Variants in PGAP2 observed in about 807,000 individuals in gnomAD.
PGAP2 encodes acyltransferase PGAP2.
A neutral mutation model predicts 33.2 loss-of-function variants in PGAP2; 21 were observed. The ratio of observed to expected loss-of-function variants is 0.63; its 90% CI spans 0.45 to 0.91. The LOEUF (loss-of-function observed/expected upper bound fraction) is 0.91, where lower values mean the gene tolerates loss of function less well. Among genes scored for constraint, PGAP2 ranks in the 40% least tolerant of loss-of-function variants. The pLI is 0.00. For missense variants in PGAP2, 345 were observed against 424.0 expected (o/e 0.81, Z 1.64); for synonymous variants, 161 against 172.9 (o/e 0.93, Z 0.54).
chr11:3,808,242 G>T, upstream of PGAP2: 1 of 1,548,108 alleles, frequency 6.5e-7, no homozygotes, highest in Non-Finnish European at 8.7e-7. Context: ...GAGACGGGCG[G>T]ATGAGAAAGA....
At chr11:3,817,583 G>A (rs2087364245) in intron 3 of PGAP2, 48 bp downstream of exon 3, 2 of 1,468,732 alleles carry the variant, frequency 1.4e-6, no homozygotes, top group East Asian at 2.3e-5. Flanking sequence ...GTCAGGAGGT[G>A]GCAGTTAGGG....
rs1439445190 is a variant in PGAP2, at chr11:3,814,899, TCCCTTG to T, written c.166-2448_166-2443del. On this transcript the variant is annotated intron_variant, in intron 2 of 6. Coordinates refer to ENST00000278243, the MANE Select transcript of PGAP2 (RefSeq NM_014489.4). The stretch of plus-strand genomic sequence containing the variant: ...TTCTTCCTTTCCTTCCCTTTCCCTT[TCCCTTG>T]CCCTTTCCCTTTCCCTTTCCCTTTC... Among the ~76,000 whole-genome samples, 40 of 150,310 alleles carry T rather than the reference TCCCTTG, an allele frequency of 2.7e-4. 1 individual carries two copies. Among genetic ancestry groups the T allele is most frequent in the African/African-American group, 9.8e-4 (40 of 40,710 alleles).
intron 3 of PGAP2, among the ~76,000 whole-genome samples, chr11:3,822,319 G>C (rs889057509): frequency 3.9e-5 from 6 of 152,076 alleles, no homozygotes; most frequent in African/African-American, 1.4e-4. Flanking sequence ...AGCCAAGATC[G>C]CGCCACTGCA....
intron 3 of PGAP2, chr11:3,823,091 C>T: frequency 3.6e-6 from 2 of 557,770 alleles, no homozygotes; most frequent in Admixed American, 4.3e-5. Flanking sequence ...AGCTGGAGTG[C>T]AGTGGCACAA....
upstream of PGAP2, chr11:3,808,416 C>A (rs2084835634): frequency 6.5e-7 from 1 of 1,544,988 alleles, no homozygotes; most frequent in South Asian, 1.2e-5. Context: ...CAGACCCGGG[C>A]TGTAAAGCAT....
At position 3,808,667 on chromosome 11, in the gene PGAP2, G is replaced by A. The variant is rs2084923193; in HGVS notation, c.-11+16G>A. The A allele has an allele frequency of 8.5e-7, 1 of 1,175,210 alleles. No individual in the cohort carries two copies. Among genetic ancestry groups the A allele is most frequent in the Non-Finnish European group, 1.1e-6 (1 of 946,714 alleles). The allele number at this position is 1,175,210 out of a possible 1,614,324, so 72.8% of individuals were successfully genotyped here. On this transcript the variant is annotated intron_variant, in intron 1 of 6. Coordinates refer to ENST00000278243, the MANE Select transcript of PGAP2 (RefSeq NM_014489.4). ...CACCGCGTGGGTGAGTATGGGCATGGATGTGCTGGGCTGCCGGGCAGCCCC... is the reference window on the plus strand; with the variant it reads ...CACCGCGTGGGTGAGTATGGGCATGAATGTGCTGGGCTGCCGGGCAGCCCC...
At chr11:3,823,024 C>CT (rs746736798) in intron 3 of PGAP2, 7,715 of 304,782 alleles carry the variant, frequency 0.025, 206 homozygotes, top group South Asian at 0.047. Context: ...TTTTTCTTTT[C>CT]TTTTTTTTTT....
intron 3 of PGAP2, chr11:3,823,530 C>A: frequency 6.9e-7 from 1 of 1,451,848 alleles, no homozygotes. Flanking sequence ...GGCCTTGGAA[C>A]TCACCCAGGG....
At chr11:3,822,250 G>A (rs1025802140) in intron 3 of PGAP2, among the ~76,000 whole-genome samples, 4 of 152,050 alleles carry the variant, frequency 2.6e-5, no homozygotes, top group Non-Finnish European at 5.9e-5. Context: ...TGTAGTCCCA[G>A]CTACTCGGGA....
At chr11:3,814,813 T>TTA in intron 2 of PGAP2, among the ~76,000 whole-genome samples, 7 of 120,148 alleles carry the variant, frequency 5.8e-5, no homozygotes, top group African/African-American at 2.1e-4. Context: ...TCTTTCTTTC[T>TTA]CTTTCTTTCT....
chr11:3,817,731 G>A lies in PGAP2; in HGVS notation c.348+196G>A. The A allele has an allele frequency of 5.8e-6, 4 of 695,200 alleles. No homozygotes were observed. In the South Asian group the frequency reaches 6.0e-5, roughly 10 times the overall value. The allele number at this position is 695,200 out of a possible 1,614,324, so 43.1% of individuals were successfully genotyped here. A position where few individuals can be genotyped will look rare whatever the true frequency, so the allele number is the denominator to read the frequency against. On this transcript the variant is annotated intron_variant, in intron 3 of 6. Coordinates refer to ENST00000278243, the MANE Select transcript of PGAP2 (RefSeq NM_014489.4). ...AGAGAATAGAATCACAGTCCTCCCT[G>A]AGTTGGAAGATGATGATAGAAATGC...
rs1316682518 is a variant in PGAP2 at position 3,823,054 on chromosome 11, T to TTG, written c.349-829_349-828insTG. The TTG allele has an allele frequency of 1.2e-4, 67 of 565,122 alleles. 2 individuals are homozygous for TTG. The African/African-American group carries it at 1.3e-3, about 11-fold the overall frequency. The allele number at this position is 565,122 out of a possible 1,614,324, so 35.0% of individuals were successfully genotyped here. A position where few individuals can be genotyped will look rare whatever the true frequency, so the allele number is the denominator to read the frequency against. On this transcript the variant is annotated intron_variant, in intron 3 of 6. Coordinates refer to ENST00000278243, the MANE Select transcript of PGAP2 (RefSeq NM_014489.4). ...TTTTTTTTTTTTTTTTTTTTTTTTT[T>TTG]GAGACAGAGTCTCACTCTGTTGCCC...
intron 3 of PGAP2, chr11:3,823,004 C>T: frequency 1.7e-6 from 2 of 1,175,110 alleles, no homozygotes; most frequent in Non-Finnish European, 2.4e-6. Context: ...GTTAGGAGCA[C>T]CCACTTTCTT....
rs1167386919 is a variant in PGAP2, at chr11:3,825,938, G to A, written c.*480G>A. On this transcript the variant is annotated 3_prime_UTR_variant, in exon 7 of 7. Coordinates refer to ENST00000278243, the MANE Select transcript of PGAP2 (RefSeq NM_014489.4). The stretch of plus-strand genomic sequence containing the variant: ...ACAGTCCCCTGCTAAAGTTGCTCAG[G>A]TGTTCTAGTCCTGACTTCACCTTTT... 6.2e-6 allele frequency: 1 copy of A among 161,488 alleles called. No homozygotes were observed. The highest frequency in any genetic ancestry group is 2.4e-5 in the African/African-American group (1 of 41,556). 10.0% of individuals were successfully genotyped at this position (161,488 alleles called of 1,614,324 possible). A position where few individuals can be genotyped will look rare whatever the true frequency, so the allele number is the denominator to read the frequency against.
At chr11:3,808,549 C>T, upstream of PGAP2, 1 of 1,394,398 alleles carries the variant, frequency 7.2e-7, no homozygotes, top group Non-Finnish European at 9.3e-7. Context: ...AGCGCCGGCC[C>T]CGCCCCCGCC....
chr11:3,801,245 T>C (rs2083398514), intron 1 of PGAP2, among the ~76,000 whole-genome samples: 1 of 152,154 alleles, frequency 6.6e-6, no homozygotes, highest in African/African-American at 2.4e-5. Context: ...ACATTTGCCT[T>C]ACAGGGTCGT....
intron 2 of PGAP2, among the ~76,000 whole-genome samples, chr11:3,816,750 A>G (rs2087118639): frequency 4.6e-5 from 7 of 152,160 alleles, no homozygotes; most frequent in Admixed American, 3.3e-4. Flanking sequence ...CCCCATTGAA[A>G]TAGGCTCTGG....
chr11:3,822,957 T>A, intron 3 of PGAP2: 1 of 1,542,444 alleles, frequency 6.5e-7, no homozygotes, highest in Non-Finnish European at 8.8e-7. Context: ...ATGGTGGAGA[T>A]GCACAAGAAC....
chr11:3,819,762 G>T (rs1457626941), intron 3 of PGAP2, among the ~76,000 whole-genome samples: 2 of 152,098 alleles, frequency 1.3e-5, no homozygotes, highest in Non-Finnish European at 2.9e-5. Flanking sequence ...TGTTGCTGGT[G>T]CAGTCGATGA....
Sources: allele counts gnomAD v4.1 joint callset (sites outside exome capture counted in the v4.1 genomes callset), GRCh38; gene constraint gnomAD v4.1.1; transcripts MANE v1.5; gene names NCBI Gene and HGNC (gene_info 2026-07-23, HGNC 2026-07-21).